The following PSMA8 variants were observed in gnomAD, a reference collection of about 807,000 sequenced individuals.
PSMA8 encodes the protein proteasome 20S subunit alpha 8.
PSMA8 carries 18 observed loss-of-function variants against 32.4 expected under a neutral mutation model. That is an observed-to-expected ratio of 0.56 (90% confidence interval 0.38 to 0.82). The LOEUF (loss-of-function observed/expected upper bound fraction) is 0.82, where lower values mean the gene tolerates loss of function less well. PSMA8 is among the 40% of genes least tolerant of loss of function. The probability of loss-of-function intolerance (pLI) is 0.00; values close to 1 mark genes in which losing one functional copy is unlikely to be tolerated. For missense variants in PSMA8, 298 were observed against 300.7 expected (o/e 0.99, Z 0.07); for synonymous variants, 104 against 98.1 (o/e 1.06, Z -0.36).
At chr18:26,189,372 A>G (rs562618044) in intron 6 of PSMA8, among the ~76,000 whole-genome samples, 2 of 152,182 alleles carry the variant, frequency 1.3e-5, no homozygotes, top group South Asian at 2.1e-4. Context: ...TACAAATATA[A>G]TAATTTAAAA....
At chr18:26,158,646 A>G (rs12954622) in intron 4 of PSMA8, among the ~76,000 whole-genome samples, 7,917 of 152,248 alleles carry the variant, frequency 0.052, 224 homozygotes, top group East Asian at 0.12. Context: ...ATTCTAGGAG[A>G]GTCAGAGCAC....
At position 26,158,169 on chromosome 18, in the gene PSMA8, A is replaced by G; in HGVS notation, c.402A>G (p.Leu134=). 6.2e-7 allele frequency: 1 copy of G among 1,606,694 alleles called. No homozygotes were observed. Among genetic ancestry groups the G allele is most frequent in the South Asian group, 1.1e-5 (1 of 90,732 alleles). ...NGRRPFGISA[L]IVGFDDDGIS... is the part of the protein sequence containing the mutation. The stretch of plus-strand genomic sequence containing the variant: ...GAAGACCTTTTGGTATTTCTGCCTT[A>G]ATTGTAGGTTTTGATGATGATGGTA... The change falls in exon 4 of 7, where the codon TTA becomes TTG. Residue 134 remains leucine (L), a synonymous_variant. Transcript: ENST00000415576.
At chr18:26,192,178 C>A in intron 6 of PSMA8, 141 bp from the exon 7 acceptor site, 1 of 733,126 alleles carries the variant, frequency 1.4e-6, no homozygotes, top group Non-Finnish European at 1.9e-6. Flanking sequence ...TCTTGAAATG[C>A]TTCATTGTAT....
chr18:26,140,311 G>A (rs2054945073), intron 1 of PSMA8, among the ~76,000 whole-genome samples: 2 of 152,192 alleles, frequency 1.3e-5, no homozygotes, highest in South Asian at 4.1e-4. Flanking sequence ...GTCCACAGGA[G>A]CAGACCTGGA....
At position 26,143,270 on chromosome 18, in the gene PSMA8, A is replaced by T. The variant is rs149844930; in HGVS notation, c.103-1289A>T. ...TCCATGTACTCCAATTTCCTCCAAC[A>T]TCCCAAAGATGTGTGCGTTAGGTTA... On this transcript the variant is annotated intron_variant, in intron 1 of 6. Transcript: ENST00000415576. Among the ~76,000 whole-genome samples the T allele has an allele frequency of 6.1e-3, 924 of 152,222 alleles. 4 individuals carry two copies. The highest frequency in any genetic ancestry group is 9.4e-3 in the Non-Finnish European group (638 of 68,012).
chr18:26,179,922 T>C (rs760339668), intron 6 of PSMA8, among the ~76,000 whole-genome samples: 13 of 141,006 alleles, frequency 9.2e-5, no homozygotes, highest in African/African-American at 1.6e-4. Context: ...CCCATCTCTA[T>C]GAAAAAAAAA....
chr18:26,148,213 CAAGAA>C (rs2055018891), intron 2 of PSMA8, among the ~76,000 whole-genome samples: 1 of 151,950 alleles, frequency 6.6e-6, no homozygotes. Context: ...AAAGACATTA[CAAGAA>C]AAGAAAACTA....
At position 26,154,158 on chromosome 18, in the gene PSMA8, T is replaced by G. The variant is rs559216090; in HGVS notation, c.354+2176T>G. ...CTCAAGTGATCTGCCCGTCTCAGCC[T>G]CCCAAAGTGCTGGGATTACAGGCAT... On this transcript the variant is annotated intron_variant, in intron 3 of 6. Coordinates refer to ENST00000415576, the MANE Select transcript of PSMA8 (RefSeq NM_001025096.2). Among the ~76,000 whole-genome samples the G allele has an allele frequency of 3.3e-5, 5 of 152,338 alleles. No homozygotes were observed. The South Asian group carries it at 1.0e-3, about 32-fold the overall frequency.
intron 2 of PSMA8, among the ~76,000 whole-genome samples, chr18:26,146,051 A>G (rs987182913): frequency 6.6e-6 from 1 of 152,008 alleles, no homozygotes; most frequent in Non-Finnish European, 1.5e-5. Flanking sequence ...ATTCTTATAC[A>G]TGTGTACTGA....
chr18:26,191,576 G>A (rs527743436), intron 6 of PSMA8, among the ~76,000 whole-genome samples: 24 of 92 alleles, frequency 0.26, no homozygotes, highest in East Asian at 0.48. Context: ...GCTTGAACCC[G>A]GCAGCAGAGG....
At chr18:26,165,021 G>A (rs1391546627) in intron 4 of PSMA8, among the ~76,000 whole-genome samples, 1 of 151,944 alleles carries the variant, frequency 6.6e-6, no homozygotes, top group Non-Finnish European at 1.5e-5. Flanking sequence ...AGGTTCAAGC[G>A]ATTCTTCTGC....
intron 6 of PSMA8, among the ~76,000 whole-genome samples, chr18:26,189,126 C>T (rs2055381455): frequency 6.6e-6 from 1 of 152,064 alleles, no homozygotes; most frequent in Non-Finnish European, 1.5e-5. Flanking sequence ...GTATAAGGAG[C>T]TCAGACAACT....
chr18:26,140,534 C>A (rs1284277372), intron 1 of PSMA8, among the ~76,000 whole-genome samples: 2 of 152,204 alleles, frequency 1.3e-5, no homozygotes, highest in Admixed American at 1.3e-4. Context: ...GAAGTATTTT[C>A]ACACATAGTA....
rs146272213 is a variant in PSMA8, at chr18:26,178,923, A to G, written c.571A>G (p.Lys191Glu). 8 of 1,613,316 alleles carry G rather than the reference A, an allele frequency of 5.0e-6. No individual in the cohort carries two copies. In the African/African-American group the frequency reaches 9.3e-5, roughly 19 times the overall value. ...DAIASDSEAI[K>E]LAIKALLEVV... ...CATAGCAAGTGACAGTGAAGCTATC[A>G]AGTTAGCAATAAAAGCTTTGCTAGA... Residue 191 changes from lysine (K) to glutamate (E), a missense_variant, in exon 5 of 7, where the codon AAG (lysine) becomes GAG (glutamate). Physicochemically the swap from Lys to Glu is moderately conservative, Grantham distance 56 (BLOSUM62 1). Transcript: ENST00000415576.
chr18:26,141,258 T>C (rs966406647), intron 1 of PSMA8, among the ~76,000 whole-genome samples: 2 of 152,144 alleles, frequency 1.3e-5, no homozygotes, highest in African/African-American at 4.8e-5. Flanking sequence ...TCTTACTTGA[T>C]TAAAAAAATA....
At chr18:26,167,961 A>G (rs1269640589) in intron 4 of PSMA8, among the ~76,000 whole-genome samples, 4 of 118,914 alleles carry the variant, frequency 3.4e-5, no homozygotes, top group Non-Finnish European at 6.2e-5. Flanking sequence ...AAGTCTTACA[A>G]TGAAAACAAC....
Position 26,134,017 on chromosome 18 carries a change from C to T in PSMA8, c.52C>T (p.Leu18Phe). The T allele has an allele frequency of 6.2e-7, 1 of 1,614,094 alleles. No homozygotes were observed. Among genetic ancestry groups the T allele is most frequent in the Non-Finnish European group, 8.5e-7 (1 of 1,179,972 alleles). ...CACTGTCTTCTCCCCAGACGGACAC[C>T]TTTTTCAAGTTGAATATGCCCAGGA... ...AITVFSPDGH[L>F]FQVEYAQEAV... The change falls in exon 1 of 7, where the codon CTT becomes TTT. Residue 18 changes from leucine (L) to phenylalanine (F), a missense_variant. Coordinates refer to ENST00000415576, the MANE Select transcript of PSMA8 (RefSeq NM_001025096.2).
At chr18:26,140,158 T>C (rs2054943733) in intron 1 of PSMA8, 8 of 702,804 alleles carry the variant, frequency 1.1e-5, no homozygotes, top group Non-Finnish European at 1.8e-5. Flanking sequence ...CTTCACCAGT[T>C]AGCCCATCCA....
At chr18:26,190,579 T>C (rs1264774647) in intron 6 of PSMA8, among the ~76,000 whole-genome samples, 1 of 152,020 alleles carries the variant, frequency 6.6e-6, no homozygotes, top group African/African-American at 2.4e-5. Flanking sequence ...CGAAACCCCG[T>C]CTCTACAAAA....
Sources: gnomAD v4.1 joint callset for allele counts (sites outside exome capture counted in the v4.1 genomes callset) on GRCh38, gnomAD v4.1.1 for gene constraint, MANE v1.5 for transcripts, NCBI Gene and HGNC (gene_info 2026-07-23, HGNC 2026-07-21) for gene names.